The following SUGCT variants were observed in gnomAD, a reference collection of about 807,000 sequenced individuals.
SUGCT encodes succinyl-CoA:glutarate-CoA transferase.
In SUGCT, 41 loss-of-function variants were observed where a neutral mutation model predicts 55.0. The observed-to-expected ratio is 0.74, with a 90% confidence interval of 0.58 to 0.97. The LOEUF (loss-of-function observed/expected upper bound fraction) is 0.97. Among genes scored for constraint, SUGCT ranks in the 50% least tolerant of loss-of-function variants. SUGCT has a pLI of 0.00. For synonymous variants in SUGCT, 187 were observed against 200.4 expected, an observed-to-expected ratio of 0.93 and a Z score of 0.56; for missense variants, 568 against 547.8, an observed-to-expected ratio of 1.04 and a Z score of -0.37.
the SUGCT span, among the ~76,000 whole-genome samples, chr7:41,018,752 G>A: frequency 6.6e-6 from 1 of 152,076 alleles, no homozygotes; most frequent in Non-Finnish European, 1.5e-5. Flanking sequence ...TTGATTGCTC[G>A]GTACTGCATT....
intron 12 of SUGCT, among the ~76,000 whole-genome samples, chr7:40,620,990 A>G (rs1361899046): frequency 6.6e-6 from 1 of 151,938 alleles, no homozygotes; most frequent in East Asian, 1.9e-4. Flanking sequence ...ATAAACAGAG[A>G]GAGGAGGATG....
chr7:40,459,338 G>C, intron 11 of SUGCT, 140 bp downstream of exon 11: 1 of 591,956 alleles, frequency 1.7e-6, no homozygotes, highest in South Asian at 2.4e-5. Context: ...CTGGTGGAGA[G>C]ATTTTAAAGC....
At chr7:40,943,857 T>C in the SUGCT span, among the ~76,000 whole-genome samples, 1 of 151,802 alleles carries the variant, frequency 6.6e-6, no homozygotes, top group Non-Finnish European at 1.5e-5. Context: ...ATCACCACAC[T>C]GACTTCCACA....
chr7:40,440,214 C>T (rs1788439907), intron 9 of SUGCT, among the ~76,000 whole-genome samples: 1 of 127,724 alleles, frequency 7.8e-6, no homozygotes, highest in Non-Finnish European at 1.6e-5. Flanking sequence ...GGCTGGAGTG[C>T]AGTGGCCTGA....
intron 9 of SUGCT, among the ~76,000 whole-genome samples, chr7:40,413,095 A>ATTT (rs1363366019): frequency 3.9e-5 from 6 of 152,200 alleles, no homozygotes; most frequent in Admixed American, 6.5e-5. Flanking sequence ...TCTCCTCAAT[A>ATTT]TTCTCTTGTA....
intron 9 of SUGCT, among the ~76,000 whole-genome samples, chr7:40,369,376 A>G (rs1003862804): frequency 6.6e-6 from 1 of 152,126 alleles, no homozygotes; most frequent in African/African-American, 2.4e-5. Flanking sequence ...TCTTGAAGAA[A>G]CTGACTCCTA....
intron 9 of SUGCT, among the ~76,000 whole-genome samples, chr7:40,425,870 C>G (rs576885486): frequency 6.6e-6 from 1 of 152,218 alleles, no homozygotes; most frequent in South Asian, 2.1e-4. Flanking sequence ...CACCTTAGTT[C>G]CAGGGAAGCC....
intron 11 of SUGCT, among the ~76,000 whole-genome samples, chr7:40,494,769 T>C (rs1791879955): frequency 6.6e-6 from 1 of 152,196 alleles, no homozygotes; most frequent in African/African-American, 2.4e-5. Context: ...ACTTATATGA[T>C]TGAACATCAT....
At chr7:40,176,495 G>A (rs1304496078) in intron 1 of SUGCT, among the ~76,000 whole-genome samples, 2 of 152,028 alleles carry the variant, frequency 1.3e-5, no homozygotes, top group Non-Finnish European at 2.9e-5. Flanking sequence ...TAAAACTTCA[G>A]AAGTTCTGCA....
intron 8 of SUGCT, among the ~76,000 whole-genome samples, chr7:40,296,872 A>G (rs969390008): frequency 1.3e-5 from 2 of 151,978 alleles, no homozygotes; most frequent in African/African-American, 4.8e-5. Context: ...AGGAGCATGG[A>G]CTCTGGAGCC....
rs12673712 is a variant in SUGCT, at chr7:40,352,888, C to G, written c.816+36033C>G. Among the ~76,000 whole-genome samples, 96 of 152,280 alleles carry G rather than the reference C, an allele frequency of 6.3e-4. No homozygotes were observed. In the East Asian group the frequency reaches 0.018, roughly 28 times the overall value. On this transcript the variant is annotated intron_variant, in intron 9 of 13. Coordinates refer to ENST00000335693, the MANE Select transcript of SUGCT (RefSeq NM_001193313.2). ...CACCCTATCTGAACTAATTTGCATTCTCATCAACAGTATAAGTGTTCCCTT... is the reference window on the plus strand; with the variant it reads ...CACCCTATCTGAACTAATTTGCATTGTCATCAACAGTATAAGTGTTCCCTT...
chr7:40,182,353 G>A (rs1785259598), intron 3 of SUGCT, among the ~76,000 whole-genome samples: 1 of 152,074 alleles, frequency 6.6e-6, no homozygotes, highest in Non-Finnish European at 1.5e-5. Context: ...GATCACTTGA[G>A]GTCAGGACTT....
the SUGCT span, among the ~76,000 whole-genome samples, chr7:40,944,952 C>T: frequency 6.6e-6 from 1 of 152,108 alleles, no homozygotes; most frequent in African/African-American, 2.4e-5. Flanking sequence ...GGTTCACTAT[C>T]TTCTGTGGGG....
In SUGCT at chr7:40,860,497, TC is replaced by T; in HGVS notation, c.*20del. The stretch of plus-strand genomic sequence containing the variant: ...CTCACTGACAAAGGAAAAGGGCTCT[TC>T]CTCATAACCTCGATCCGAATACACT... On this transcript the variant is annotated 3_prime_UTR_variant, in exon 14 of 14. Coordinates refer to ENST00000335693, the MANE Select transcript of SUGCT (RefSeq NM_001193313.2). 1 of 1,604,478 alleles carries T rather than the reference TC, an allele frequency of 6.2e-7. No homozygotes were observed. Among genetic ancestry groups the T allele is most frequent in the Non-Finnish European group, 8.5e-7 (1 of 1,173,446 alleles).
chr7:40,701,850 G>A (rs896488831), intron 12 of SUGCT, among the ~76,000 whole-genome samples: 2 of 152,198 alleles, frequency 1.3e-5, no homozygotes, highest in Non-Finnish European at 2.9e-5. Flanking sequence ...TTCTTATGTG[G>A]CCTAGAGCCA....
At chr7:40,718,201 C>T (rs1786128347) in intron 12 of SUGCT, among the ~76,000 whole-genome samples, 1 of 152,158 alleles carries the variant, frequency 6.6e-6, no homozygotes, top group Non-Finnish European at 1.5e-5. Flanking sequence ...TGATTAATAA[C>T]AAATCAGTTT....
At chr7:40,624,399 C>CT (rs1315506615) in intron 12 of SUGCT, among the ~76,000 whole-genome samples, 1 of 152,066 alleles carries the variant, frequency 6.6e-6, no homozygotes, top group East Asian at 1.9e-4. Context: ...TGTGCTAGTC[C>CT]TTTTTACAGT....
chr7:40,980,026 GC>G, the SUGCT span: 3 of 152,254 alleles, frequency 2.0e-5, no homozygotes, highest in African/African-American at 7.2e-5. Context: ...AGTTCTGGAG[GC>G]TAGAAAGTCC....
At chr7:40,562,040 C>T (rs147091257) in intron 12 of SUGCT, among the ~76,000 whole-genome samples, 104 of 150,612 alleles carry the variant, frequency 6.9e-4, no homozygotes, top group Middle Eastern at 3.4e-3. Flanking sequence ...TGGCTCATGC[C>T]TGTAATCCCA....
Sources: gnomAD v4.1 joint callset for allele counts (sites outside exome capture counted in the v4.1 genomes callset) on GRCh38, gnomAD v4.1.1 for gene constraint, MANE v1.5 for transcripts, NCBI Gene and HGNC (gene_info 2026-07-23, HGNC 2026-07-21) for gene names.